The following PGR variants were observed in gnomAD, a reference collection of about 807,000 sequenced individuals.
PGR encodes the protein progesterone receptor.
In PGR, 25 loss-of-function variants were observed where a neutral mutation model predicts 76.1. The ratio of observed to expected loss-of-function variants is 0.33; its 90% CI spans 0.24 to 0.46. PGR has a LOEUF of 0.46. PGR is among the 20% of genes least tolerant of loss of function. The probability of loss-of-function intolerance (pLI) is 1.00; values close to 1 mark genes in which losing one functional copy is unlikely to be tolerated. For missense variants in PGR, 1,172 were observed against 1,225.3 expected (o/e 0.96, Z 0.65); for synonymous variants, 579 against 535.0 (o/e 1.08, Z -1.14).
chr11:101,095,378 A>G (rs1383489900), intron 2 of PGR, among the ~76,000 whole-genome samples: 2 of 152,196 alleles, frequency 1.3e-5, no homozygotes, highest in Non-Finnish European at 1.5e-5. Flanking sequence ...GCAACTTACT[A>G]TCCACAAATA....
At position 101,049,941 on chromosome 11, in the gene PGR, G is replaced by A; in HGVS notation, c.2476C>T (p.Leu826Phe). The change falls in exon 6 of 8, where the codon CTT becomes TTT. Residue 826 changes from leucine to phenylalanine, a missense_variant. Leu to Phe is a conservative substitution (Grantham distance 22). Around this residue, in one of 4 missense-constraint regions of PGR, gnomAD observed 166 missense variants for 296.0 expected, o/e 0.56. Coordinates refer to ENST00000325455, the MANE Select transcript of PGR (RefSeq NM_000926.4). The stretch of plus-strand genomic sequence containing the variant: ...TGAACTCACTCACTTGTATTAAGAA[G>A]TAACAATACTTTCATACAGAGGAAC... ...EEFLCMKVLL[L>F]LNTIPLEGLR... 6.2e-7 allele frequency: 1 copy of A among 1,611,348 alleles called. No homozygotes were observed. Among genetic ancestry groups the A allele is most frequent in the Non-Finnish European group, 8.5e-7 (1 of 1,178,050 alleles).
chr11:101,066,943 C>T (rs183815245), intron 3 of PGR, among the ~76,000 whole-genome samples: 2 of 152,258 alleles, frequency 1.3e-5, no homozygotes, highest in East Asian at 3.9e-4. Context: ...ATTTTCTATA[C>T]AACTTTAAAG....
Position 101,126,022 on chromosome 11 carries a change from T to C in PGR, c.1774A>G (p.Lys592Glu). ...AGGAGCCTACCTTCCATTGCCCTCTTAAAGAAGACCTTACAGCTCCCACAG... is the reference window on the plus strand; with the variant it reads ...AGGAGCCTACCTTCCATTGCCCTCTCAAAGAAGACCTTACAGCTCCCACAG... ...LTCGSCKVFF[K>E]RAMEGQHNYL... The change falls in exon 2 of 8, where the codon AAG (lysine) becomes GAG (glutamate). Residue 592 changes from lysine to glutamate, a missense_variant. Coordinates refer to ENST00000325455, the MANE Select transcript of PGR (RefSeq NM_000926.4). The C allele has an allele frequency of 6.2e-7, 1 of 1,614,074 alleles. No individual in the cohort carries two copies. Among genetic ancestry groups the C allele is most frequent in the Non-Finnish European group, 8.5e-7 (1 of 1,179,948 alleles).
At chr11:101,049,394 G>C (rs1311664849) in intron 6 of PGR, among the ~76,000 whole-genome samples, 1 of 152,072 alleles carries the variant, frequency 6.6e-6, no homozygotes, top group Non-Finnish European at 1.5e-5. Context: ...ACCAGTAAGA[G>C]TTTTTTATTA....
Position 101,127,422 on chromosome 11 carries a change from C to T in PGR, c.1637+12G>A. 1 of 1,532,662 alleles carries T rather than the reference C, an allele frequency of 6.5e-7. No individual in the cohort carries two copies. Among genetic ancestry groups the T allele is most frequent in the Non-Finnish European group, 8.8e-7 (1 of 1,139,982 alleles). 94.9% of individuals were successfully genotyped at this position (1,532,662 alleles called of 1,614,324 possible). ...CCGGACGCGCTGGGCGTGCCCCGTC[C>T]CGGGCCCTCACCTCAGGTAGTTGAG... On this transcript the variant is annotated intron_variant, in intron 1 of 7. Coordinates refer to ENST00000325455, the MANE Select transcript of PGR (RefSeq NM_000926.4).
chr11:101,076,275 A>G (rs1178238285), intron 3 of PGR, among the ~76,000 whole-genome samples: 1 of 144,134 alleles, frequency 6.9e-6, no homozygotes, highest in Non-Finnish European at 1.5e-5. Flanking sequence ...ATGAGAACAC[A>G]TGGACACAGG....
intron 2 of PGR, among the ~76,000 whole-genome samples, chr11:101,095,807 A>G (rs940202438): frequency 6.6e-6 from 1 of 152,216 alleles, no homozygotes; most frequent in African/African-American, 2.4e-5. Flanking sequence ...TCACACATCT[A>G]AATCTCAAAT....
At chr11:101,116,856 T>C (rs1029679331) in intron 2 of PGR, among the ~76,000 whole-genome samples, 1 of 151,508 alleles carries the variant, frequency 6.6e-6, no homozygotes, top group Non-Finnish European at 1.5e-5. Context: ...CCTAGCAAGA[T>C]CAAATGGGTA....
chr11:101,058,437 C>T (rs1315756232), intron 4 of PGR, among the ~76,000 whole-genome samples: 1 of 152,150 alleles, frequency 6.6e-6, no homozygotes, highest in African/African-American at 2.4e-5. Flanking sequence ...GACTCACTGA[C>T]TCAAAAGTTG....
Position 101,033,303 on chromosome 11 carries a change from C to A in PGR, c.*5813G>T, listed in dbSNP as rs1019068599. On this transcript the variant is annotated 3_prime_UTR_variant, in exon 8 of 8. Coordinates refer to ENST00000325455, the MANE Select transcript of PGR (RefSeq NM_000926.4). ...TTATGGAGAACAAGCAGAGCCACAT[C>A]TCTGTTTCAACAAGAATATGGTATG... 4.9e-6 allele frequency: 1 copy of A among 203,918 alleles called. No individual in the cohort carries two copies. Among genetic ancestry groups the A allele is most frequent in the Admixed American group, 6.0e-5 (1 of 16,760 alleles). 12.6% of individuals were successfully genotyped at this position (203,918 alleles called of 1,614,324 possible). A position where few individuals can be genotyped will look rare whatever the true frequency, so the allele number is the denominator to read the frequency against.
At chr11:101,056,722 A>G (rs1010572862) in intron 4 of PGR, among the ~76,000 whole-genome samples, 4 of 152,180 alleles carry the variant, frequency 2.6e-5, no homozygotes, top group African/African-American at 9.6e-5. Context: ...TTGATAAAAT[A>G]TGTAGGTTTT....
chr11:101,062,412 T>C, intron 4 of PGR, 35 bp downstream of exon 4: 7 of 1,490,858 alleles, frequency 4.7e-6, no homozygotes, highest in Non-Finnish European at 5.6e-6. Context: ...ATAGTATATT[T>C]TTTATTACAT....
At chr11:101,063,099 C>T (rs11224577) in intron 3 of PGR, 27,585 of 229,742 alleles carry the variant, frequency 0.12, 2,079 homozygotes, top group Non-Finnish European at 0.15. Flanking sequence ...GTAGCGACTA[C>T]GCTCAGTATT....
rs72563721 is a variant in PGR, at chr11:101,129,422, A to G, written c.-352T>C. ...TGTCCGAGGACTGGAGACGCAGAGT[A>G]CTCACAAGTCCGGCACTTGAGTGGC... is the stretch of plus-strand genomic sequence containing the variant. On this transcript the variant is annotated 5_prime_UTR_variant, in exon 1 of 8. Coordinates refer to ENST00000325455, the MANE Select transcript of PGR (RefSeq NM_000926.4). 267 of 287,556 alleles carry G rather than the reference A, an allele frequency of 9.3e-4. 1 individual carries two copies. In the East Asian group the frequency reaches 0.013, roughly 14 times the overall value. 17.8% of individuals were successfully genotyped at this position (287,556 alleles called of 1,614,324 possible). A position where few individuals can be genotyped will look rare whatever the true frequency, so the allele number is the denominator to read the frequency against.
Position 101,037,128 on chromosome 11 carries a change from T to C in PGR, c.*1988A>G, listed in dbSNP as rs555740080. ...GGATGACATTTGTGGGGAAAATATA[T>C]TGAAAGCCTTTTCAATAAGATTTAA... On this transcript the variant is annotated 3_prime_UTR_variant, in exon 8 of 8. Transcript: ENST00000325455. 2 of 200,664 alleles carry C rather than the reference T, an allele frequency of 1.0e-5. No individual in the cohort carries two copies. The highest frequency in any genetic ancestry group is 3.8e-4 in the South Asian group (2 of 5,236). The allele number at this position is 200,664 out of a possible 1,614,324, so 12.4% of individuals were successfully genotyped here.
chr11:101,046,667 ATTAT>A (rs1360481298), intron 6 of PGR, among the ~76,000 whole-genome samples: 1 of 151,900 alleles, frequency 6.6e-6, no homozygotes, highest in Non-Finnish European at 1.5e-5. Flanking sequence ...TTGTTTTTTA[ATTAT>A]TTGAGTGTTT....
intron 6 of PGR, among the ~76,000 whole-genome samples, chr11:101,048,439 T>C (rs1859966804): frequency 6.6e-6 from 1 of 152,142 alleles, no homozygotes. Flanking sequence ...CAGAGTGTAC[T>C]CACACAAACC....
Position 101,128,846 on chromosome 11 carries a change from C to T in PGR, c.225G>A (p.Gln75=). The T allele has an allele frequency of 1.2e-6, 2 of 1,614,168 alleles. No homozygotes were observed. Among genetic ancestry groups the T allele is most frequent in the Non-Finnish European group, 1.7e-6 (2 of 1,180,042 alleles). Residue 75 remains glutamine (Q), a synonymous_variant, in exon 1 of 8, where the codon CAG becomes CAA. Transcript: ENST00000325455. ...CCACGTCCGACAGCGACTGCTGGTC[C>T]TGCGTCTTTTCGTCGGAGGGGTCCT... is the stretch of plus-strand genomic sequence containing the variant. ...QGQDPSDEKT[Q]DQQSLSDVEG...
At chr11:101,072,300 C>T (rs375882493) in intron 3 of PGR, among the ~76,000 whole-genome samples, 2 of 152,264 alleles carry the variant, frequency 1.3e-5, no homozygotes, top group East Asian at 3.9e-4. Context: ...CACCACGAGG[C>T]CTGCCTTACA....
Sources: gnomAD v4.1 joint callset for allele counts (sites outside exome capture counted in the v4.1 genomes callset) on GRCh38, gnomAD v4.1.1 for gene constraint, gnomAD v4.1.1 regional missense constraint, MANE v1.5 for transcripts, NCBI Gene and HGNC (gene_info 2026-07-23, HGNC 2026-07-21) for gene names.